Variants in C3orf49 observed in about 807,000 individuals in gnomAD.
C3orf49 encodes chromosome 3 open reading frame 49, also known as putative uncharacterized protein C3orf49.
Under a neutral mutation model 13.3 loss-of-function variants are expected in C3orf49, and 27 were observed. The observed-to-expected ratio is 2.02, with a 90% CI of 1.49 to 2.79. C3orf49 has a LOEUF of 2.79. Ranked by LOEUF, C3orf49 falls within the 30% of genes most tolerant of loss-of-function variation. C3orf49 has a pLI of 0.00. For synonymous variants in C3orf49, 87 were observed against 47.6 expected (o/e 1.83, Z -3.40); for missense variants, 242 against 134.2 (o/e 1.80, Z -3.97).
intron 3 of C3orf49, among the ~76,000 whole-genome samples, chr3:63,830,805 A>G (rs188251141): frequency 1.3e-5 from 2 of 152,290 alleles, no homozygotes; most frequent in Admixed American, 6.5e-5. Context: ...CAGCAGCTGC[A>G]GAGGCAATTT....
At position 63,823,346 on chromosome 3, in the gene C3orf49, C is replaced by G; in HGVS notation, c.222C>G (p.Ser74Arg). 1.4e-6 allele frequency: 1 copy of G among 703,114 alleles called. No individual in the cohort carries two copies. The allele number at this position is 703,114 out of a possible 1,614,324, so 43.6% of individuals were successfully genotyped here. A position where few individuals can be genotyped will look rare whatever the true frequency, so the allele number is the denominator to read the frequency against. ...SSDSDMGFHE[S>R]QQNQKSNLKT... ...ATAGTGACATGGGATTTCATGAAAG[C>G]CAGCAAAATCAGAAAAGTAATTTGA... Residue 74 changes from serine (S) to arginine (R), a missense_variant, in exon 2 of 7, where the codon AGC becomes AGG. Physicochemically the swap from Ser to Arg is moderately radical, Grantham distance 110 (BLOSUM62 -1). Coordinates refer to ENST00000295896, the MANE Select transcript of C3orf49 (RefSeq NM_001355236.2).
intron 5 of C3orf49, among the ~76,000 whole-genome samples, chr3:63,839,017 C>T (rs898964416): frequency 1.3e-5 from 2 of 152,044 alleles, no homozygotes; most frequent in African/African-American, 2.4e-5. Flanking sequence ...ATGGTGAAAC[C>T]CCATCTCTAC....
At chr3:63,792,532 G>T in the C3orf49 span, among the ~76,000 whole-genome samples, 1 of 152,056 alleles carries the variant, frequency 6.6e-6, no homozygotes, top group African/African-American at 2.4e-5. Flanking sequence ...GTCACAAAAA[G>T]ATAAAATTTT....
intron 5 of C3orf49, chr3:63,838,064 T>C (rs1262218410): frequency 6.3e-7 from 1 of 1,590,722 alleles, no homozygotes; most frequent in Non-Finnish European, 8.5e-7. Flanking sequence ...TGCTACATTC[T>C]ATATGAGAAG....
At chr3:63,816,769 C>CTTTTTTTTTTT (rs543894356), upstream of C3orf49, among the ~76,000 whole-genome samples, 226 of 97,128 alleles carry the variant, frequency 2.3e-3, 2 homozygotes, top group Non-Finnish European at 2.8e-3. Flanking sequence ...CTTTTCTTTT[C>CTTTTTTTTTTT]TTTTTTTTTT....
the C3orf49 span, among the ~76,000 whole-genome samples, chr3:63,810,415 A>C: frequency 6.6e-6 from 1 of 152,228 alleles, no homozygotes; most frequent in African/African-American, 2.4e-5. Flanking sequence ...TGTCCATAGT[A>C]GGCACTTAAT....
At chr3:63,789,033 C>T in the C3orf49 span, among the ~76,000 whole-genome samples, 2 of 152,122 alleles carry the variant, frequency 1.3e-5, no homozygotes, top group African/African-American at 4.8e-5. Context: ...TTCCCCAACC[C>T]CCAGGCCACA....
the C3orf49 span, chr3:63,804,951 C>T: frequency 6.6e-6 from 1 of 152,070 alleles, no homozygotes; most frequent in Non-Finnish European, 1.5e-5. Context: ...TAATAACATA[C>T]AGTAGAAGGT....
chr3:63,789,379 A>G, the C3orf49 span, among the ~76,000 whole-genome samples: 3 of 152,350 alleles, frequency 2.0e-5, no homozygotes, highest in African/African-American at 7.2e-5. Flanking sequence ...CTTGTATAGG[A>G]GAGATACACT....
the C3orf49 span, among the ~76,000 whole-genome samples, chr3:63,789,615 G>A: frequency 4.9e-4 from 74 of 151,710 alleles, no homozygotes; most frequent in East Asian, 0.01. Context: ...GTTCAAGACC[G>A]TCCTGGCCAA....
chr3:63,839,810 T>C (rs769606449), intron 5 of C3orf49: 1 of 1,570,374 alleles, frequency 6.4e-7, no homozygotes, highest in Non-Finnish European at 8.7e-7. Flanking sequence ...ATCTGGCTCT[T>C]GGTAACTTTC....
At chr3:63,819,049 C>T (rs1701361702), upstream of C3orf49, among the ~76,000 whole-genome samples, 1 of 152,164 alleles carries the variant, frequency 6.6e-6, no homozygotes, top group Non-Finnish European at 1.5e-5. Context: ...CTTCAGAGTT[C>T]AAATACGCAC....
rs1701527299 is a variant in C3orf49 at position 63,831,167 on chromosome 3, G to A, written c.628G>A (p.Gly210Ser). 2.8e-6 allele frequency: 2 copies of A among 702,816 alleles called. No homozygotes were observed. Among genetic ancestry groups the A allele is most frequent in the African/African-American group, 1.7e-5 (1 of 57,214 alleles). The allele number at this position is 702,816 out of a possible 1,614,324, so 43.5% of individuals were successfully genotyped here. ...HFPALKKKKR[G>S]MENILRKSDL... is the part of the protein sequence containing the mutation. Reference sequence around the variant, plus strand: ...TCCAGCACTTAAAAAAAAGAAGCGTGGCATGGAAAACATCCTTCGAAAATC... The same window carrying A: ...TCCAGCACTTAAAAAAAAGAAGCGTAGCATGGAAAACATCCTTCGAAAATC... Residue 210 changes from glycine (G) to serine (S), a missense_variant, in exon 4 of 7, where the codon GGC becomes AGC. Gly to Ser is a moderately conservative substitution (Grantham distance 56). Transcript: ENST00000295896.
intron 5 of C3orf49, among the ~76,000 whole-genome samples, chr3:63,836,525 T>G (rs1342124539): frequency 6.6e-6 from 1 of 152,028 alleles, no homozygotes; most frequent in Non-Finnish European, 1.5e-5. Flanking sequence ...GTTATAATTA[T>G]AACGATACAT....
At chr3:63,836,162 G>T in intron 5 of C3orf49, 1 of 705,744 alleles carries the variant, frequency 1.4e-6, no homozygotes, top group Non-Finnish European at 2.2e-6. Flanking sequence ...TAACAGAGAA[G>T]TATGGGAAAA....
intron 2 of C3orf49, among the ~76,000 whole-genome samples, chr3:63,825,086 G>A (rs1292920472): frequency 6.6e-6 from 1 of 152,004 alleles, no homozygotes; most frequent in Non-Finnish European, 1.5e-5. Context: ...GCAGTTCTGT[G>A]GGATTTGACA....
chr3:63,831,096 C>G lies in C3orf49; in HGVS notation c.571-14C>G, dbSNP rs532766090. On this transcript the variant is annotated splice_polypyrimidine_tract_variant and intron_variant, in intron 3 of 6. Transcript: ENST00000295896. ...GTAGTTCCTAATCTGATGTGTTTTG[C>G]ATTTTTACCATAGGGGCCATATTCA... The G allele has an allele frequency of 1.2e-5, 8 of 695,064 alleles. No homozygotes were observed. The highest frequency in any genetic ancestry group is 7.1e-5 in the African/African-American group (4 of 56,518). The allele number at this position is 695,064 out of a possible 1,614,324, so 43.1% of individuals were successfully genotyped here. A position where few individuals can be genotyped will look rare whatever the true frequency, so the allele number is the denominator to read the frequency against.
At chr3:63,802,422 T>A in the C3orf49 span, among the ~76,000 whole-genome samples, 1 of 152,236 alleles carries the variant, frequency 6.6e-6, no homozygotes, top group Admixed American at 6.5e-5. Flanking sequence ...ATTTCCATCC[T>A]TGTACTGCAA....
intron 2 of C3orf49, among the ~76,000 whole-genome samples, chr3:63,826,481 G>A (rs1320085168): frequency 6.6e-6 from 1 of 152,122 alleles, no homozygotes; most frequent in African/African-American, 2.4e-5. Flanking sequence ...ATTGAGCACT[G>A]GCTTTGAAGG....
Sources: gnomAD v4.1 joint callset for allele counts (sites outside exome capture counted in the v4.1 genomes callset) on GRCh38, gnomAD v4.1.1 for gene constraint, MANE v1.5 for transcripts, NCBI Gene and HGNC (gene_info 2026-07-23, HGNC 2026-07-21) for gene names.